TENM3: variants seen among roughly 807,000 people sequenced by gnomAD.
TENM3 encodes teneurin transmembrane protein 3, also known as teneurin-3.
Under a neutral mutation model 255.1 loss-of-function variants are expected in TENM3, and 63 were observed. That is an observed-to-expected ratio of 0.25 (90% CI 0.20 to 0.30). The LOEUF (loss-of-function observed/expected upper bound fraction) is 0.30. TENM3 is among the 10% of genes least tolerant of loss of function. TENM3 has a pLI of 1.00. For missense variants in TENM3, 2,929 were observed against 3,461.1 expected, an observed-to-expected ratio of 0.85 and a Z score of 3.86; for synonymous variants, 1,306 against 1,322.3, an observed-to-expected ratio of 0.99 and a Z score of 0.27.
chr4:182,487,834 A>G (rs1054273042), intron 3 of TENM3, among the ~76,000 whole-genome samples: 1 of 152,174 alleles, frequency 6.6e-6, no homozygotes, highest in Admixed American at 6.5e-5. Context: ...GGGTGAACAT[A>G]GTACGTATCT....
chr4:182,020,817 C>G, the TENM3 span, among the ~76,000 whole-genome samples: 19 of 152,346 alleles, frequency 1.2e-4, no homozygotes, highest in African/African-American at 4.6e-4. Context: ...TGCACTCACT[C>G]TCAAGGCTTA....
At chr4:181,461,810 T>C in the TENM3 span, among the ~76,000 whole-genome samples, 3 of 152,228 alleles carry the variant, frequency 2.0e-5, no homozygotes, top group African/African-American at 7.2e-5. Context: ...GTTTTAATGT[T>C]CTTTCCGGAT....
At chr4:181,950,766 C>T in the TENM3 span, among the ~76,000 whole-genome samples, 4 of 152,182 alleles carry the variant, frequency 2.6e-5, no homozygotes, top group Non-Finnish European at 5.9e-5. Context: ...TACAACCAGA[C>T]ACAGTTGCTC....
chr4:181,629,892 G>A, the TENM3 span, among the ~76,000 whole-genome samples: 7 of 152,142 alleles, frequency 4.6e-5, no homozygotes, highest in African/African-American at 1.7e-4. Flanking sequence ...CTGTTGATTG[G>A]AATAGTTTCA....
chr4:182,097,666 TGGCCCCGTGTGGTCC>T, the TENM3 span, among the ~76,000 whole-genome samples: 213 of 152,298 alleles, frequency 1.4e-3, no homozygotes, highest in African/African-American at 4.8e-3. Flanking sequence ...TGGCATAGGC[TGGCCCCGTGTGGTCC>T]GGAAAAGGCC....
intron 22 of TENM3, among the ~76,000 whole-genome samples, chr4:182,764,848 A>T (rs1304670138): frequency 6.6e-6 from 1 of 152,210 alleles, no homozygotes; most frequent in Non-Finnish European, 1.5e-5. Context: ...CAACATAGCC[A>T]ATCTGGTGAC....
intron 2 of TENM3, among the ~76,000 whole-genome samples, chr4:182,341,448 A>G (rs1290200156): frequency 6.6e-6 from 1 of 152,170 alleles, no homozygotes; most frequent in Non-Finnish European, 1.5e-5. Context: ...TATACTATAT[A>G]CATAATTCTA....
At chr4:182,500,221 CAAA>C (rs1736181692) in intron 3 of TENM3, among the ~76,000 whole-genome samples, 2 of 151,890 alleles carry the variant, frequency 1.3e-5, no homozygotes, top group Non-Finnish European at 2.9e-5. Context: ...GATAACTTGA[CAAA>C]GAAGAGCTTT....
chr4:181,745,045 G>A, the TENM3 span, among the ~76,000 whole-genome samples: 7 of 152,256 alleles, frequency 4.6e-5, no homozygotes, highest in South Asian at 1.5e-3. Context: ...ATCTGACTGG[G>A]TAAAATCGTG....
intron 1 of TENM3, among the ~76,000 whole-genome samples, chr4:182,289,142 A>T (rs1029551830): frequency 2.6e-5 from 4 of 152,318 alleles, no homozygotes; most frequent in South Asian, 4.1e-4. Context: ...ACGTGGAAGG[A>T]TCACTTGAGC....
chr4:181,602,683 A>G, the TENM3 span, among the ~76,000 whole-genome samples: 1 of 152,172 alleles, frequency 6.6e-6, no homozygotes, highest in African/African-American at 2.4e-5. Flanking sequence ...TATTCTTTGT[A>G]TGGTACATCT....
intron 3 of TENM3, among the ~76,000 whole-genome samples, chr4:182,430,275 G>A (rs988745551): frequency 3.9e-5 from 6 of 152,218 alleles, no homozygotes; most frequent in African/African-American, 9.6e-5. Context: ...TAGGCCGGGC[G>A]CAGTGGCTCA....
At chr4:182,262,397 A>T (rs1278214847) in intron 1 of TENM3, among the ~76,000 whole-genome samples, 1 of 152,142 alleles carries the variant, frequency 6.6e-6, no homozygotes, top group Non-Finnish European at 1.5e-5. Context: ...ATGGGATAGG[A>T]GATTGGCACA....
the TENM3 span, among the ~76,000 whole-genome samples, chr4:181,716,149 T>C: frequency 9.8e-4 from 149 of 152,330 alleles, 2 homozygotes; most frequent in South Asian, 9.8e-3. Context: ...TATTCCGAAG[T>C]GGTTAAGAGT....
the TENM3 span, among the ~76,000 whole-genome samples, chr4:181,767,624 C>G: frequency 6.6e-6 from 1 of 151,876 alleles, no homozygotes; most frequent in Admixed American, 6.6e-5. Context: ...GGATCCTATT[C>G]CAGAGAGTCT....
Position 182,183,469 on chromosome 4 carries a change from C to T in TENM3, c.-76+38715C>T, listed in dbSNP as rs536715321. 5.9e-5 allele frequency among the ~76,000 whole-genome samples: 9 copies of T among 152,188 alleles called. No individual in the cohort carries two copies. In the East Asian group the frequency reaches 1.7e-3, roughly 29 times the overall value. ...ATTATGATTCATTCGTATGCAGTTGCGGAACCAAGGACTACTTTGGGAGAA... is the reference window on the plus strand; with the variant it reads ...ATTATGATTCATTCGTATGCAGTTGTGGAACCAAGGACTACTTTGGGAGAA... On this transcript the variant is annotated intron_variant, in intron 1 of 2. Coordinates refer to the TENM3 transcript ENST00000512480.
the TENM3 span, among the ~76,000 whole-genome samples, chr4:181,533,601 A>G: frequency 9.7e-3 from 1,475 of 152,146 alleles, 23 homozygotes; most frequent in African/African-American, 0.034. Context: ...TTCCCTCTCC[A>G]TACCCTCTTT....
chr4:182,392,975 G>T (rs1580395473), intron 3 of TENM3, among the ~76,000 whole-genome samples: 1 of 152,304 alleles, frequency 6.6e-6, no homozygotes, highest in East Asian at 1.9e-4. Flanking sequence ...GAGTATCTGT[G>T]TAGGCTGAAG....
the TENM3 span, among the ~76,000 whole-genome samples, chr4:181,546,668 C>T: frequency 2.2e-5 from 3 of 137,452 alleles, no homozygotes; most frequent in Non-Finnish European, 4.6e-5. Context: ...GAGCCGAGAT[C>T]GCGCCACTGC....
Sources: gnomAD v4.1 joint callset for allele counts (sites outside exome capture counted in the v4.1 genomes callset) on GRCh38, gnomAD v4.1.1 for gene constraint, MANE v1.5 for transcripts, NCBI Gene and HGNC (gene_info 2026-07-23, HGNC 2026-07-21) for gene names.